Variants in FSIP2 observed in about 807,000 individuals in gnomAD.
The protein encoded by FSIP2 is fibrous sheath interacting protein 2, also known as fibrous sheath-interacting protein 2.
FSIP2 carries 367 observed loss-of-function variants against 510.5 expected under a neutral mutation model. That is an observed-to-expected ratio of 0.72 (90% CI 0.66 to 0.78). The LOEUF is 0.78. Ranked by LOEUF, FSIP2 falls within the 30% of genes least tolerant of loss-of-function variation. FSIP2 has a pLI of 0.00. For missense variants in FSIP2, 7,594 were observed against 7,901.7 expected (o/e 0.96, Z 1.48); for synonymous variants, 2,601 against 2,732.2 (o/e 0.95, Z 1.50).
chr2:185,820,497 T>TTA (rs1693895105), intron 19 of FSIP2, among the ~76,000 whole-genome samples: 1 of 151,438 alleles, frequency 6.6e-6, no homozygotes, highest in Non-Finnish European at 1.5e-5. Context: ...ATATATTGTT[T>TTA]TATATATACA....
Position 185,805,146 on chromosome 2 carries a change from A to T in FSIP2, c.15840A>T (p.Ile5280=). ...ATTCAGCTACATTTTTGGAAGACAT[A>T]ATCATTGACCTTGTTCACAAATTTT... ...SLYSATFLED[I]IIDLVHKFCS... is the part of the protein sequence containing the mutation. Residue 5280 remains isoleucine, a synonymous_variant, in exon 17 of 23, where the codon ATA becomes ATT. Transcript: ENST00000424728. 6.2e-7 allele frequency: 1 copy of T among 1,609,840 alleles called. No homozygotes were observed. Among genetic ancestry groups the T allele is most frequent in the Non-Finnish European group, 8.5e-7 (1 of 1,177,680 alleles).
rs773675755 is a variant in FSIP2, at chr2:185,790,594, G to C, written c.3458G>C (p.Trp1153Ser). 1 of 1,533,974 alleles carries C rather than the reference G, an allele frequency of 6.5e-7. No individual in the cohort carries two copies. The highest frequency in any genetic ancestry group is 1.2e-5 in the South Asian group (1 of 83,936). The change falls in exon 16 of 23, where the codon TGG becomes TCG. Residue 1153 changes from tryptophan (W) to serine (S), a missense_variant. By Grantham distance (177) the Trp-to-Ser change is radical. Coordinates refer to ENST00000424728, the MANE Select transcript of FSIP2 (RefSeq NM_173651.4). ...EKPQGLSHQE[W>S]IDQMFSVSEI... is the part of the protein sequence containing the mutation. Reference sequence around the variant, plus strand: ...CCTCAAGGACTGTCACATCAAGAATGGATAGACCAGATGTTTTCTGTTTCA... The same window carrying C: ...CCTCAAGGACTGTCACATCAAGAATCGATAGACCAGATGTTTTCTGTTTCA...
rs1373792129 is a variant in FSIP2, at chr2:185,800,758, T to A, written c.11452T>A (p.Tyr3818Asn). 6 of 1,534,072 alleles carry A rather than the reference T, an allele frequency of 3.9e-6. No individual in the cohort carries two copies. The highest frequency in any genetic ancestry group is 5.2e-6 in the Non-Finnish European group (6 of 1,145,496). The change falls in exon 17 of 23, where the codon TAC becomes AAC. Residue 3818 changes from tyrosine (Y) to asparagine (N), a missense_variant. Coordinates refer to ENST00000424728, the MANE Select transcript of FSIP2 (RefSeq NM_173651.4). ...GMDCECLQVD[Y>N]MSDLLENVAE... ...GGACTGTGAATGCCTTCAAGTAGAT[T>A]ACATGTCAGACCTTTTGGAGAATGT...
chr2:185,763,221 G>A lies in FSIP2; in HGVS notation c.1279G>A (p.Ala427Thr). ...NISGQGSIIS[A>T]QVSPTRNFSR... ...TTCAGGCCAAGGTTCAATTATTTCA[G>A]CGCAGGTATCACCCACGAGAAATTT... The change falls in exon 12 of 23, where the codon GCG becomes ACG. Residue 427 changes from alanine to threonine, a missense_variant. By Grantham distance (58) the Ala-to-Thr change is moderately conservative (BLOSUM62 0). Transcript: ENST00000424728. 1.3e-6 allele frequency: 2 copies of A among 1,516,440 alleles called. No homozygotes were observed. The highest frequency in any genetic ancestry group is 8.9e-7 in the Non-Finnish European group (1 of 1,129,726). The allele number at this position is 1,516,440 out of a possible 1,614,324, so 93.9% of individuals were successfully genotyped here.
Position 185,802,611 on chromosome 2 carries a change from G to A in FSIP2, c.13305G>A (p.Val4435=). 6.5e-7 allele frequency: 1 copy of A among 1,533,400 alleles called. No individual in the cohort carries two copies. The highest frequency in any genetic ancestry group is 8.7e-7 in the Non-Finnish European group (1 of 1,145,234). The allele number at this position is 1,533,400 out of a possible 1,614,324, so 95.0% of individuals were successfully genotyped here. A position where few individuals can be genotyped will look rare whatever the true frequency, so the allele number is the denominator to read the frequency against. The change falls in exon 17 of 23, where the codon GTG becomes GTA. Residue 4435 remains valine, a synonymous_variant. Coordinates refer to ENST00000424728, the MANE Select transcript of FSIP2 (RefSeq NM_173651.4). ...CAGCTTCTACCTATTCTAATTCAGT[G>A]GCTGAGAATATTGTTCAGGACATCC... ...DFSASTYSNS[V]AENIVQDILS...
At position 185,790,266 on chromosome 2, in the gene FSIP2, G is replaced by C. The variant is rs1300935422; in HGVS notation, c.3130G>C (p.Glu1044Gln). 1 of 1,533,104 alleles carries C rather than the reference G, an allele frequency of 6.5e-7. No homozygotes were observed. Among genetic ancestry groups the C allele is most frequent in the Non-Finnish European group, 8.7e-7 (1 of 1,145,162 alleles). The allele number at this position is 1,533,104 out of a possible 1,614,324, so 95.0% of individuals were successfully genotyped here. Reference sequence around the variant, plus strand: ...GTTTACAAAGGGAAACACTTGTTTTGAATGCAAAAGAAATATCAAACCACC... The same window carrying C: ...GTTTACAAAGGGAAACACTTGTTTTCAATGCAAAAGAAATATCAAACCACC... ...HWFTKGNTCF[E>Q]CKRNIKPPTK... The change falls in exon 16 of 23, where the codon GAA (glutamate) becomes CAA (glutamine). Residue 1044 changes from glutamate (E) to glutamine (Q), a missense_variant. Physicochemically the swap from Glu to Gln is conservative, Grantham distance 29 (BLOSUM62 2). Coordinates refer to ENST00000424728, the MANE Select transcript of FSIP2 (RefSeq NM_173651.4).
rs540711724 is a variant in FSIP2, at chr2:185,785,261, T to G, written c.1470-991T>G. Among the ~76,000 whole-genome samples the G allele has an allele frequency of 6.4e-4, 98 of 152,198 alleles. 1 individual carries two copies. The highest frequency in any genetic ancestry group is 2.2e-3 in the African/African-American group (92 of 41,560). On this transcript the variant is annotated intron_variant, in intron 14 of 22. Transcript: ENST00000424728. ...TAGAGAACATGTCACTGACATCAGC[T>G]TTCATGCTCCTAGTTGAATACTGCC...
At chr2:185,782,652 C>A in intron 13 of FSIP2, 53 bp from the exon 14 acceptor site, 1 of 1,027,026 alleles carries the variant, frequency 9.7e-7, no homozygotes, top group Non-Finnish European at 1.5e-6. Context: ...TACCATTTAG[C>A]AAGTTGCTGA....
chr2:185,830,540 C>A (rs890716248), intron 21 of FSIP2, among the ~76,000 whole-genome samples: 2 of 151,848 alleles, frequency 1.3e-5, no homozygotes, highest in African/African-American at 4.8e-5. Flanking sequence ...ATATAACCTA[C>A]ACACATCCTC....
chr2:185,765,872 T>C lies in FSIP2; in HGVS notation c.1411+1307T>C, dbSNP rs1350384632. 2.0e-5 allele frequency: 3 copies of C among 151,116 alleles called. No homozygotes were observed. In the Admixed American group the frequency reaches 2.0e-4, roughly 10 times the overall value. The allele number at this position is 151,116 out of a possible 1,614,324, so 9.4% of individuals were successfully genotyped here. ...AGAGGTCCTTCACATCCCTTGTAAG[T>C]TGGATTCCTAGGTATTTTATTCTCT... On this transcript the variant is annotated intron_variant, in intron 13 of 22. Coordinates refer to ENST00000424728, the MANE Select transcript of FSIP2 (RefSeq NM_173651.4).
chr2:185,812,195 G>A (rs1010914568), intron 17 of FSIP2, among the ~76,000 whole-genome samples: 1 of 152,024 alleles, frequency 6.6e-6, no homozygotes, highest in African/African-American at 2.4e-5. Flanking sequence ...AAAACCACAG[G>A]GGCAGGACTG....
chr2:185,791,991 T>A lies in FSIP2; in HGVS notation c.4855T>A (p.Trp1619Arg), dbSNP rs1193978384. ...AAATAAGAAAAGCAATAAGATAGGC[T>A]GGGAATATGAAAGCACCAATATTTC... ...DGNKKSNKIG[W>R]EYESTNISRD... Residue 1619 changes from tryptophan to arginine, a missense_variant, in exon 16 of 23, where the codon TGG (tryptophan) becomes AGG (arginine). Physicochemically the swap from Trp to Arg is moderately radical, Grantham distance 101. Coordinates refer to ENST00000424728, the MANE Select transcript of FSIP2 (RefSeq NM_173651.4). 1 of 1,533,918 alleles carries A rather than the reference T, an allele frequency of 6.5e-7. No individual in the cohort carries two copies. The highest frequency in any genetic ancestry group is 2.0e-5 in the Admixed American group (1 of 50,822).
chr2:185,830,479 T>C (rs1694087873), intron 21 of FSIP2, among the ~76,000 whole-genome samples: 1 of 151,820 alleles, frequency 6.6e-6, no homozygotes, highest in Non-Finnish European at 1.5e-5. Flanking sequence ...CCCAAAGATA[T>C]CAAAATTCAG....
chr2:185,813,947 C>T lies in FSIP2; in HGVS notation c.20230C>T (p.His6744Tyr). The T allele has an allele frequency of 6.2e-7, 1 of 1,613,468 alleles. No homozygotes were observed. The highest frequency in any genetic ancestry group is 2.2e-5 in the East Asian group (1 of 44,808). ...SNQVIESKET[H>Y]VKRAVAELDM... is the part of the protein sequence containing the mutation. The stretch of plus-strand genomic sequence containing the variant: ...TCAGGTAATAGAATCCAAGGAGACA[C>T]ATGTTAAAAGAGCTGTTGCTGAGCT... The change falls in exon 18 of 23, where the codon CAT becomes TAT. Residue 6744 changes from histidine (H) to tyrosine (Y), a missense_variant. By Grantham distance (83) the His-to-Tyr change is moderately conservative (BLOSUM62 2). Transcript: ENST00000424728.
At chr2:185,797,768 A>G in intron 16 of FSIP2, 1 of 419,870 alleles carries the variant, frequency 2.4e-6, no homozygotes, top group Admixed American at 3.4e-5. Flanking sequence ...TGCTTCCTGC[A>G]GCCTTGAACT....
chr2:185,739,315 A>G lies in FSIP2; in HGVS notation c.100-31A>G, dbSNP rs530197841. ...AACTAAACTAATACTGCCTAAAAGG[A>G]AAGACAAAACTCTCCAATTGTGTCT... On this transcript the variant is annotated intron_variant, in intron 1 of 22. Transcript: ENST00000424728. 6.0e-6 allele frequency: 9 copies of G among 1,503,294 alleles called. No individual in the cohort carries two copies. In the African/African-American group the frequency reaches 9.9e-5, roughly 16 times the overall value. The allele number at this position is 1,503,294 out of a possible 1,614,324, so 93.1% of individuals were successfully genotyped here.
upstream of FSIP2, chr2:185,738,773 G>C: frequency 6.5e-7 from 1 of 1,536,044 alleles, no homozygotes; most frequent in East Asian, 2.4e-5. Context: ...TGGAACGCGG[G>C]GGGCGGGGCT....
rs1415371016 is a variant in FSIP2 at position 185,802,253 on chromosome 2, T to A, written c.12947T>A (p.Leu4316His). The change falls in exon 17 of 23, where the codon CTT (leucine) becomes CAT (histidine). Residue 4316 changes from leucine to histidine, a missense_variant. Transcript: ENST00000424728. ...TTTGTAAGGGAGATTGTTGCCAGAC[T>A]TTTGTCAAAGATTTTCAGCCCAAAG... ...DSFVREIVAR[L>H]LSKIFSPKHN... 1.6e-5 allele frequency: 25 copies of A among 1,533,750 alleles called. No homozygotes were observed. The highest frequency in any genetic ancestry group is 1.8e-5 in the Non-Finnish European group (21 of 1,145,360).
chr2:185,751,458 T>G, intron 7 of FSIP2, among the ~76,000 whole-genome samples: 1 of 119,662 alleles, frequency 8.4e-6, no homozygotes, highest in Non-Finnish European at 1.7e-5. Context: ...GGTCTTTATT[T>G]TTCTGTGTGT....
Sources: gnomAD v4.1 joint callset for allele counts (sites outside exome capture counted in the v4.1 genomes callset) on GRCh38, gnomAD v4.1.1 for gene constraint, MANE v1.5 for transcripts, NCBI Gene and HGNC (gene_info 2026-07-23, HGNC 2026-07-21) for gene names.